GALNTL6: variants seen among roughly 807,000 people sequenced by gnomAD.
GALNTL6 encodes polypeptide N-acetylgalactosaminyltransferase-like 6.
GALNTL6 carries 46 observed loss-of-function variants against 73.7 expected under a neutral mutation model. The observed-to-expected ratio is 0.62, with a 90% CI of 0.49 to 0.80. The LOEUF (loss-of-function observed/expected upper bound fraction) is 0.80. Ranked by LOEUF, GALNTL6 falls within the 30% of genes least tolerant of loss-of-function variation. The probability of loss-of-function intolerance (pLI) is 0.00; values close to 1 mark genes in which losing one functional copy is unlikely to be tolerated. For missense variants in GALNTL6, 604 were observed against 755.0 expected (o/e 0.80, Z 2.34); for synonymous variants, 259 against 263.7 (o/e 0.98, Z 0.17).
At chr4:173,008,954 A>C (rs1016959913) in intron 10 of GALNTL6, among the ~76,000 whole-genome samples, 2 of 152,236 alleles carry the variant, frequency 1.3e-5, no homozygotes, top group African/African-American at 4.8e-5. Context: ...AATTATAACT[A>C]TATTTCTTTC....
chr4:172,884,394 A>G (rs1007259996), intron 8 of GALNTL6, among the ~76,000 whole-genome samples: 6 of 152,076 alleles, frequency 3.9e-5, no homozygotes, highest in Non-Finnish European at 8.8e-5. Context: ...TTTTTCATAT[A>G]CCTGTTGGCC....
intron 5 of GALNTL6, among the ~76,000 whole-genome samples, chr4:172,765,428 G>A (rs1422018276): frequency 6.6e-6 from 1 of 152,120 alleles, no homozygotes; most frequent in Non-Finnish European, 1.5e-5. Flanking sequence ...TCCTTGTTTG[G>A]TAAATATCTC....
intron 2 of GALNTL6, among the ~76,000 whole-genome samples, chr4:171,866,909 A>G (rs566938026): frequency 1.3e-5 from 2 of 152,296 alleles, no homozygotes; most frequent in Admixed American, 1.3e-4. Context: ...TTCAACATGA[A>G]TTTTAGGGAG....
intron 2 of GALNTL6, among the ~76,000 whole-genome samples, chr4:172,124,078 A>T (rs892435838): frequency 2.6e-5 from 4 of 152,218 alleles, no homozygotes; most frequent in Non-Finnish European, 5.9e-5. Flanking sequence ...AATCTGATGG[A>T]AGTTTGTTAT....
chr4:172,237,916 TG>T (rs1217018501), intron 3 of GALNTL6, among the ~76,000 whole-genome samples: 2 of 152,138 alleles, frequency 1.3e-5, no homozygotes, highest in East Asian at 3.9e-4. Context: ...GCTTTAAATC[TG>T]GGGTCTCTAG....
chr4:172,131,422 TATATATACAC>T (rs1228800948), intron 2 of GALNTL6, among the ~76,000 whole-genome samples: 1 of 99,602 alleles, frequency 1.0e-5, no homozygotes, highest in African/African-American at 3.9e-5. Flanking sequence ...TATATATATA[TATATATACAC>T]ACACACACAC....
chr4:172,748,359 A>T (rs564057435), intron 5 of GALNTL6, among the ~76,000 whole-genome samples: 1 of 152,110 alleles, frequency 6.6e-6, no homozygotes, highest in Admixed American at 6.6e-5. Flanking sequence ...GAATGTTCAC[A>T]TCTTTGGATA....
intron 5 of GALNTL6, among the ~76,000 whole-genome samples, chr4:172,377,882 C>T (rs11934354): frequency 0.02 from 3,076 of 151,966 alleles, 98 homozygotes; most frequent in African/African-American, 0.069. Flanking sequence ...GGCCCGCGAG[C>T]GCTGCACGCA....
At chr4:172,712,771 C>A (rs140355081) in intron 5 of GALNTL6, among the ~76,000 whole-genome samples, 4 of 152,248 alleles carry the variant, frequency 2.6e-5, no homozygotes, top group African/African-American at 9.6e-5. Context: ...GTATGCCTTG[C>A]ATAACTATCA....
intron 8 of GALNTL6, among the ~76,000 whole-genome samples, chr4:172,887,796 A>G (rs1028124644): frequency 2.6e-5 from 4 of 151,922 alleles, no homozygotes; most frequent in Non-Finnish European, 5.9e-5. Flanking sequence ...ACTCCTGACC[A>G]CAGGTGATCT....
At chr4:172,758,931 G>C (rs144749208) in intron 5 of GALNTL6, among the ~76,000 whole-genome samples, 2 of 152,180 alleles carry the variant, frequency 1.3e-5, no homozygotes, top group Non-Finnish European at 2.9e-5. Flanking sequence ...CCCAAGGGGG[G>C]ACTATTGTAG....
intron 5 of GALNTL6, among the ~76,000 whole-genome samples, chr4:172,498,477 C>T (rs338012): frequency 0.99 from 150,922 of 152,316 alleles, 74,792 homozygotes; most frequent in Middle Eastern, 1. Context: ...TGCAAACATT[C>T]ATTTTCAGTA....
At chr4:172,177,792 T>TATATATACACAC (rs1735076691) in intron 2 of GALNTL6, among the ~76,000 whole-genome samples, 2 of 134,272 alleles carry the variant, frequency 1.5e-5, no homozygotes, top group African/African-American at 6.6e-5. Context: ...CACATGTGTA[T>TATATATACACAC]ATATATACAC....
At chr4:172,407,866 G>A (rs1057099081) in intron 5 of GALNTL6, among the ~76,000 whole-genome samples, 4 of 151,986 alleles carry the variant, frequency 2.6e-5, no homozygotes, top group East Asian at 1.9e-4. Flanking sequence ...TATAAGCAGC[G>A]GGTAGCCTAA....
intron 7 of GALNTL6, among the ~76,000 whole-genome samples, chr4:172,855,291 A>G (rs1158670245): frequency 6.6e-6 from 1 of 151,890 alleles, no homozygotes; most frequent in African/African-American, 2.4e-5. Context: ...AGTTTGTCTA[A>G]GTGGTAGAAA....
chr4:172,226,611 G>GTGTGTA (rs2110960583), intron 2 of GALNTL6, among the ~76,000 whole-genome samples: 1 of 151,252 alleles, frequency 6.6e-6, no homozygotes, highest in South Asian at 2.1e-4. Context: ...GTTTCTGTGT[G>GTGTGTA]TGTGTGTGTT....
rs1307236765 is a variant in GALNTL6, at chr4:172,557,209, G to A, written c.553+208520G>A. Reference sequence around the variant, plus strand: ...CTGGTCAAGCAATGTGAGACATCAGGCAAGTCATTTAACCATCACGTACCT... The same window carrying A: ...CTGGTCAAGCAATGTGAGACATCAGACAAGTCATTTAACCATCACGTACCT... On this transcript the variant is annotated intron_variant, in intron 5 of 12. Coordinates refer to ENST00000506823, the MANE Select transcript of GALNTL6 (RefSeq NM_001034845.3). Among the ~76,000 whole-genome samples, 9 of 152,204 alleles carry A rather than the reference G, an allele frequency of 5.9e-5. No individual in the cohort carries two copies. The East Asian group carries it at 1.7e-3, about 29-fold the overall frequency.
At chr4:172,184,631 CA>C (rs1348187265) in intron 2 of GALNTL6, among the ~76,000 whole-genome samples, 1 of 152,100 alleles carries the variant, frequency 6.6e-6, no homozygotes, top group Non-Finnish European at 1.5e-5. Flanking sequence ...CAGTTCTTAT[CA>C]GTTTCTAAAA....
rs895205753 is a variant in GALNTL6 at position 172,193,224 on chromosome 4, C to T, written c.139-36432C>T. On this transcript the variant is annotated intron_variant, in intron 2 of 12. Coordinates refer to ENST00000506823, the MANE Select transcript of GALNTL6 (RefSeq NM_001034845.3). ...CCCTTGCCTCCTGACTGGGTGAGACCCCCCACCGACAGGGGTCACTAGGCA... is the reference window on the plus strand; with the variant it reads ...CCCTTGCCTCCTGACTGGGTGAGACTCCCCACCGACAGGGGTCACTAGGCA... 2.5e-4 allele frequency among the ~76,000 whole-genome samples: 38 copies of T among 152,162 alleles called. 1 individual carries two copies. The highest frequency in any genetic ancestry group is 5.0e-4 in the Non-Finnish European group (34 of 68,016).
Sources: allele counts gnomAD v4.1 joint callset (sites outside exome capture counted in the v4.1 genomes callset), GRCh38; gene constraint gnomAD v4.1.1; transcripts MANE v1.5; gene names NCBI Gene and HGNC (gene_info 2026-07-23, HGNC 2026-07-21).